The following SNTG2 variants were observed in gnomAD, a reference collection of about 807,000 sequenced individuals.
The protein encoded by SNTG2 is syntrophin gamma 2.
SNTG2 carries 74 observed loss-of-function variants against 70.9 expected under a neutral mutation model. The observed-to-expected ratio is 1.04, with a 90% CI of 0.86 to 1.27. The LOEUF (loss-of-function observed/expected upper bound fraction) is 1.27. SNTG2 is among the 50% of genes most tolerant of loss of function. SNTG2 has a pLI of 0.00. For synonymous variants in SNTG2, 278 were observed against 273.8 expected (o/e 1.02, Z -0.15); for missense variants, 717 against 690.7 (o/e 1.04, Z -0.43).
chr2:1,312,565 G>A (rs542759310), intron 15 of SNTG2, among the ~76,000 whole-genome samples: 53 of 152,312 alleles, frequency 3.5e-4, no homozygotes, highest in African/African-American at 1.2e-3. Context: ...CTGGCCATAC[G>A]TGTAGGACCA....
chr2:1,329,969 A>G (rs758611083), intron 16 of SNTG2, among the ~76,000 whole-genome samples: 5 of 152,198 alleles, frequency 3.3e-5, no homozygotes, highest in Non-Finnish European at 7.3e-5. Context: ...ATTTATGGGA[A>G]GAGTAAAATC....
chr2:1,029,050 C>T (rs1484859221), intron 1 of SNTG2, among the ~76,000 whole-genome samples: 2 of 152,136 alleles, frequency 1.3e-5, no homozygotes, highest in Non-Finnish European at 2.9e-5. Flanking sequence ...GGGAGGGGCT[C>T]CGGCGGCCTG....
At chr2:1,126,500 G>T (rs1393050902) in intron 4 of SNTG2, among the ~76,000 whole-genome samples, 7 of 152,282 alleles carry the variant, frequency 4.6e-5, no homozygotes, top group Middle Eastern at 6.8e-3. Context: ...GATAAAAGTG[G>T]CAGGTTTGCC....
At chr2:1,132,229 ATG>A (rs1370596111) in intron 4 of SNTG2, among the ~76,000 whole-genome samples, 1 of 115,408 alleles carries the variant, frequency 8.7e-6, no homozygotes. Flanking sequence ...ATGTGTATAT[ATG>A]TGTGTGTATA....
intron 16 of SNTG2, among the ~76,000 whole-genome samples, chr2:1,349,875 A>T: frequency 6.6e-6 from 1 of 152,330 alleles, no homozygotes; most frequent in South Asian, 2.1e-4. Context: ...ATTATTAAAC[A>T]TAGAATCAAA....
chr2:1,318,803 C>G (rs902076889), intron 16 of SNTG2, among the ~76,000 whole-genome samples: 1 of 152,106 alleles, frequency 6.6e-6, no homozygotes, highest in Non-Finnish European at 1.5e-5. Context: ...TAACCTTTTG[C>G]TGCCTTAATC....
At chr2:1,331,391 G>A (rs1659519767) in intron 16 of SNTG2, among the ~76,000 whole-genome samples, 1 of 152,244 alleles carries the variant, frequency 6.6e-6, no homozygotes, top group South Asian at 2.1e-4. Context: ...CTGTGAAGCA[G>A]ACCTTCTGCT....
intron 8 of SNTG2, among the ~76,000 whole-genome samples, chr2:1,186,990 G>A (rs1191139254): frequency 1.3e-5 from 2 of 152,152 alleles, no homozygotes; most frequent in Non-Finnish European, 2.9e-5. Flanking sequence ...AATGTGAGGT[G>A]GCAGCTACAA....
chr2:960,959 C>T (rs1157046021), intron 1 of SNTG2, among the ~76,000 whole-genome samples: 1 of 152,226 alleles, frequency 6.6e-6, no homozygotes, highest in Admixed American at 6.5e-5. Context: ...TTTGTCTGTT[C>T]CTGTCACTCC....
chr2:1,087,068 A>G (rs1366610616), intron 2 of SNTG2, among the ~76,000 whole-genome samples: 1 of 152,152 alleles, frequency 6.6e-6, no homozygotes, highest in Non-Finnish European at 1.5e-5. Context: ...TAAGGAGCAG[A>G]AGGAGGGTGG....
At chr2:1,019,974 C>G (rs543296648) in intron 1 of SNTG2, among the ~76,000 whole-genome samples, 92 of 152,296 alleles carry the variant, frequency 6.0e-4, no homozygotes, top group African/African-American at 2.2e-3. Flanking sequence ...ACTCCGGAGG[C>G]AGAGGTTGCA....
intron 14 of SNTG2, among the ~76,000 whole-genome samples, chr2:1,291,956 C>T (rs554690187): frequency 6.6e-6 from 1 of 152,288 alleles, no homozygotes; most frequent in South Asian, 2.1e-4. Flanking sequence ...TTAAGTCTAA[C>T]AATCCATGAG....
At chr2:1,154,456 C>G (rs992944200) in intron 6 of SNTG2, among the ~76,000 whole-genome samples, 2 of 152,114 alleles carry the variant, frequency 1.3e-5, no homozygotes, top group African/African-American at 4.8e-5. Flanking sequence ...ATAGAAAGTT[C>G]TACATATATG....
intron 6 of SNTG2, among the ~76,000 whole-genome samples, chr2:1,163,886 G>A (rs898641245): frequency 5.9e-5 from 9 of 152,168 alleles, no homozygotes; most frequent in African/African-American, 2.2e-4. Flanking sequence ...ATGTCCTCAG[G>A]TGAAATAGGA....
chr2:1,143,783 G>T (rs1572553273), intron 6 of SNTG2, among the ~76,000 whole-genome samples: 1 of 133,274 alleles, frequency 7.5e-6, no homozygotes, highest in East Asian at 3.0e-4. Context: ...TGAGGCAGGA[G>T]AATTGCTTGA....
chr2:952,819 C>G (rs763937672), intron 1 of SNTG2, among the ~76,000 whole-genome samples: 3 of 152,174 alleles, frequency 2.0e-5, no homozygotes, highest in South Asian at 2.1e-4. Context: ...GTATTTAAAA[C>G]GAATCTGTTA....
At chr2:1,055,212 T>G (rs1042918832) in intron 1 of SNTG2, among the ~76,000 whole-genome samples, 2 of 152,234 alleles carry the variant, frequency 1.3e-5, no homozygotes, top group South Asian at 4.1e-4. Flanking sequence ...ACAGGGGCTG[T>G]GTGAGAGGAG....
intron 11 of SNTG2, among the ~76,000 whole-genome samples, chr2:1,240,455 A>T (rs1676972582): frequency 1.3e-5 from 2 of 152,294 alleles, no homozygotes; most frequent in African/African-American, 4.8e-5. Context: ...TTTCCTTTAT[A>T]ATAAACTTAT....
chr2:1,153,336 G>T (rs937391059), intron 6 of SNTG2, among the ~76,000 whole-genome samples: 1 of 152,164 alleles, frequency 6.6e-6, no homozygotes, highest in Non-Finnish European at 1.5e-5. Context: ...GTATATGTGT[G>T]CCATGCTGGT....
Sources: allele counts gnomAD v4.1 joint callset (sites outside exome capture counted in the v4.1 genomes callset), GRCh38; gene constraint gnomAD v4.1.1; transcripts MANE v1.5; gene names NCBI Gene and HGNC (gene_info 2026-07-23, HGNC 2026-07-21).